Variants in CRYGN observed in about 807,000 individuals in gnomAD.
The protein encoded by CRYGN is crystallin gamma N.
A neutral mutation model predicts 19.2 loss-of-function variants in CRYGN; 17 were observed. The ratio of observed to expected loss-of-function variants is 0.89; its 90% CI spans 0.61 to 1.33. CRYGN has a LOEUF of 1.33. Ranked by LOEUF, CRYGN falls within the 40% of genes most tolerant of loss-of-function variation. The pLI is 0.00. For synonymous variants in CRYGN, 84 were observed against 85.8 expected (o/e 0.98, Z 0.12); for missense variants, 239 against 239.6 (o/e 1.00, Z 0.02).
At position 151,430,717 on chromosome 7, in the gene CRYGN, G is replaced by A. The variant is rs1168742773; in HGVS notation, c.417-537C>T. ...GGGCTTTCCCTCGGAGTCCTGAGCT[G>A]GGCGACCAGCCTAGAGGGGCTGATC... On this transcript the variant is annotated intron_variant, in intron 3 of 3. Coordinates refer to ENST00000337323, the MANE Select transcript of CRYGN (RefSeq NM_144727.3). This position sits in a 1 kb window ranked among gnomAD's most constrained non-coding sequence, Gnocchi z 5.2. 6.6e-6 allele frequency among the ~76,000 whole-genome samples: 1 copy of A among 152,196 alleles called. No individual in the cohort carries two copies. Among genetic ancestry groups the A allele is most frequent in the Admixed American group, 6.5e-5 (1 of 15,286 alleles).
rs992736093 is a variant in CRYGN at position 151,430,436 on chromosome 7, G to A, written c.417-256C>T. Among the ~76,000 whole-genome samples, 2 of 152,138 alleles carry A rather than the reference G, an allele frequency of 1.3e-5. No individual in the cohort carries two copies. The highest frequency in any genetic ancestry group is 3.9e-4 in the East Asian group (2 of 5,188). On this transcript the variant is annotated intron_variant, in intron 3 of 3. Transcript: ENST00000337323. This position sits in a 1 kb window ranked among gnomAD's most constrained non-coding sequence, Gnocchi z 5.2. ...TGGGGAATTGTCTTGGGTGAATTGG[G>A]TGACCCATCGTGACTCTTTTTCCAT...
Position 151,430,118 on chromosome 7 carries a change from T to A in CRYGN, c.479A>T (p.Asp160Val), listed in dbSNP as rs763899314. 1 of 1,605,276 alleles carries A rather than the reference T, an allele frequency of 6.2e-7. No homozygotes were observed. The highest frequency in any genetic ancestry group is 1.1e-5 in the South Asian group (1 of 90,870). ...TGTGGTGGCCTCTTCCGGTCCTTGA[T>A]CTGATTGAAGAGAGCTGCTCAGCTG... is the stretch of plus-strand genomic sequence containing the variant. ...DFQLSSSLQS[D>V]QGPEEATTKP... Residue 160 changes from aspartate to valine, a missense_variant, in exon 4 of 4, where the codon GAT (aspartate) becomes GTT (valine). Transcript: ENST00000337323. This position sits in a 1 kb window ranked among gnomAD's most constrained non-coding sequence, Gnocchi z 5.2.
At position 151,433,301 on chromosome 7, in the gene CRYGN, C is replaced by T. The variant is rs767848637; in HGVS notation, c.416+2879G>A. On this transcript the variant is annotated intron_variant, in intron 3 of 3. Coordinates refer to ENST00000337323, the MANE Select transcript of CRYGN (RefSeq NM_144727.3). This position sits in a 1 kb window ranked among gnomAD's most constrained non-coding sequence, Gnocchi z 5.1. Reference sequence around the variant, plus strand: ...GCAGGAAGGTGCGGTGGGGAGGGAACGGGGGACCAGGAGGAAGGGACTGGA... The same window carrying T: ...GCAGGAAGGTGCGGTGGGGAGGGAATGGGGGACCAGGAGGAAGGGACTGGA... 5.3e-5 allele frequency among the ~76,000 whole-genome samples: 8 copies of T among 152,158 alleles called. No homozygotes were observed. Among genetic ancestry groups the T allele is most frequent in the African/African-American group, 9.7e-5 (4 of 41,428 alleles).
rs201965705 is a variant in CRYGN, at chr7:151,438,168, C to T, written c.98G>A (p.Arg33Gln). ...VFGDCDNFQD[R>Q]GFMNRVNSIH... ...GGAGTTCACTCGGTTCATAAAGCCC[C>T]GGTCCTGGAAGTTGTCACAGTCCCC... The change falls in exon 2 of 4, where the codon CGG becomes CAG. Residue 33 changes from arginine to glutamine, a missense_variant. Transcript: ENST00000337323. The T allele has an allele frequency of 5.6e-4, 898 of 1,614,076 alleles. 2 individuals carry two copies. Among genetic ancestry groups the T allele is most frequent in the Non-Finnish European group, 7.2e-4 (848 of 1,180,052 alleles).
rs1016370286 is a variant in CRYGN at position 151,435,930 on chromosome 7, G to A, written c.416+250C>T. On this transcript the variant is annotated intron_variant, in intron 3 of 3. Transcript: ENST00000337323. This position sits in a 1 kb window ranked among gnomAD's most constrained non-coding sequence, Gnocchi z 4.2. ...CTGAGGCCCTAGAGGGAAGGTCTCA[G>A]GGTGCCTCTGGGGCCCAGAGTCCCT... Among the ~76,000 whole-genome samples, 1 of 152,180 alleles carries A rather than the reference G, an allele frequency of 6.6e-6. No individual in the cohort carries two copies.
chr7:151,432,021 A>T, intron 3 of CRYGN: 1 of 413,026 alleles, frequency 2.4e-6, no homozygotes, highest in Non-Finnish European at 4.1e-6. Context: ...CACTGCCGAG[A>T]GAGCACTCAG....
chr7:151,438,840 T>C (rs114355079), intron 1 of CRYGN: 3,106 of 153,130 alleles, frequency 0.02, 132 homozygotes, highest in African/African-American at 0.071. Context: ...GGTCACTCCT[T>C]TGGGTAGCAG....
rs1801599651 is a variant in CRYGN at position 151,436,149 on chromosome 7, C to G, written c.416+31G>C. ...CTGGTGCTGAAGGGCCTAGCCGGGC[C>G]TCGGGGTGCGGCCACGTGGCCTGTA... On this transcript the variant is annotated intron_variant, in intron 3 of 3. Transcript: ENST00000337323. The surrounding 1 kb of genome is among the most constrained non-coding windows in gnomAD (Gnocchi z 5.1). The G allele has an allele frequency of 7.2e-7, 1 of 1,396,256 alleles. No individual in the cohort carries two copies. Among genetic ancestry groups the G allele is most frequent in the Admixed American group, 2.8e-5 (1 of 36,122 alleles). 86.5% of individuals were successfully genotyped at this position (1,396,256 alleles called of 1,614,324 possible). A position where few individuals can be genotyped will look rare whatever the true frequency, so the allele number is the denominator to read the frequency against.
rs529874744 is a variant in CRYGN at position 151,430,562 on chromosome 7, A to G, written c.417-382T>C. On this transcript the variant is annotated intron_variant, in intron 3 of 3. Transcript: ENST00000337323. The surrounding 1 kb of genome is among the most constrained non-coding windows in gnomAD (Gnocchi z 5.2). ...TCAGGCCACCACACTGTGCGACAGA[A>G]TCAGCCCCTGAGATTTTGTTTTTCT... is the stretch of plus-strand genomic sequence containing the variant. 6.6e-6 allele frequency among the ~76,000 whole-genome samples: 1 copy of G among 152,202 alleles called. No individual in the cohort carries two copies. The highest frequency in any genetic ancestry group is 2.4e-5 in the African/African-American group (1 of 41,522).
In CRYGN at chr7:151,432,000, G is replaced by A. The variant is rs1157067110; in HGVS notation, c.417-1820C>T. 2 of 396,292 alleles carry A rather than the reference G, an allele frequency of 5.0e-6. No homozygotes were observed. The highest frequency in any genetic ancestry group is 8.8e-6 in the Non-Finnish European group (2 of 226,946). 24.5% of individuals were successfully genotyped at this position (396,292 alleles called of 1,614,324 possible). On this transcript the variant is annotated intron_variant, in intron 3 of 3. Transcript: ENST00000337323. This position sits in a 1 kb window ranked among gnomAD's most constrained non-coding sequence, Gnocchi z 4.8. Reference sequence around the variant, plus strand: ...CCTGGATCATCCAGCTCCTCCCAGGGCTGGGATGCCCACTGCCGAGAGAGC... The same window carrying A: ...CCTGGATCATCCAGCTCCTCCCAGGACTGGGATGCCCACTGCCGAGAGAGC...
In CRYGN at chr7:151,438,096, A is replaced by G; in HGVS notation, c.170T>C (p.Phe57Ser). ...CTCCAAGATGAACTGCTGGCCCCGGAAGTCGGGGTGATTGAAGCAGACCCA... is the reference window on the plus strand; with the variant it reads ...CTCCAAGATGAACTGCTGGCCCCGGGAGTCGGGGTGATTGAAGCAGACCCA... Reference protein sequence around the residue: ...GAWVCFNHPDFRGQQFILEHG... With the variant: ...GAWVCFNHPDSRGQQFILEHG... The change falls in exon 2 of 4, where the codon TTC becomes TCC. Residue 57 changes from phenylalanine (F) to serine (S), a missense_variant. By Grantham distance (155) the Phe-to-Ser change is radical. Transcript: ENST00000337323. The G allele has an allele frequency of 6.2e-7, 1 of 1,614,104 alleles. No individual in the cohort carries two copies. Among genetic ancestry groups the G allele is most frequent in the Non-Finnish European group, 8.5e-7 (1 of 1,180,020 alleles).
At position 151,429,962 on chromosome 7, in the gene CRYGN, A is replaced by T. The variant is rs1215966974; in HGVS notation, c.*86T>A. On this transcript the variant is annotated 3_prime_UTR_variant, in exon 4 of 4. Transcript: ENST00000337323. ...ACCTCCCTAACAAACTGGCAGAGAA[A>T]TGAAAACTGAGGGCATGATTTTAAG... 4 of 769,036 alleles carry T rather than the reference A, an allele frequency of 5.2e-6. No homozygotes were observed. In the African/African-American group the frequency reaches 6.8e-5, roughly 13 times the overall value. 47.6% of individuals were successfully genotyped at this position (769,036 alleles called of 1,614,324 possible). A position where few individuals can be genotyped will look rare whatever the true frequency, so the allele number is the denominator to read the frequency against.
rs574202666 is a variant in CRYGN at position 151,435,856 on chromosome 7, G to A, written c.416+324C>T. ...GGCGGCCCCTTGTATCAGATCAATCGCAGAGAACCGTGCAACTTTCAAGGT... is the reference window on the plus strand; with the variant it reads ...GGCGGCCCCTTGTATCAGATCAATCACAGAGAACCGTGCAACTTTCAAGGT... On this transcript the variant is annotated intron_variant, in intron 3 of 3. Coordinates refer to ENST00000337323, the MANE Select transcript of CRYGN (RefSeq NM_144727.3). The surrounding 1 kb of genome is among the most constrained non-coding windows in gnomAD (Gnocchi z 4.2). 2.6e-5 allele frequency among the ~76,000 whole-genome samples: 4 copies of A among 152,246 alleles called. No individual in the cohort carries two copies. Among genetic ancestry groups the A allele is most frequent in the South Asian group, 4.1e-4 (2 of 4,830 alleles).
upstream of CRYGN, chr7:151,440,257 T>G: frequency 1.1e-5 from 5 of 442,148 alleles, no homozygotes; most frequent in Non-Finnish European, 1.9e-5. Flanking sequence ...CCAACCTTTC[T>G]TCCCCTGCGC....
Position 151,436,201 on chromosome 7 carries a change from A to G in CRYGN, c.395T>C (p.Ile132Thr). ...RGWVKNCVNT[I>T]KVYGDGAAWS... ...TCACGCTCCGTCCCCGTACACCTTG[A>G]TGGTGTTCACACAGTTCTTGACCCA... The change falls in exon 3 of 4, where the codon ATC (isoleucine) becomes ACC (threonine). Residue 132 changes from isoleucine to threonine, a missense_variant. Physicochemically the swap from Ile to Thr is moderately conservative, Grantham distance 89. Coordinates refer to ENST00000337323, the MANE Select transcript of CRYGN (RefSeq NM_144727.3). The surrounding 1 kb of genome is among the most constrained non-coding windows in gnomAD (Gnocchi z 5.1). 1 of 1,559,398 alleles carries G rather than the reference A, an allele frequency of 6.4e-7. No individual in the cohort carries two copies. The highest frequency in any genetic ancestry group is 1.2e-5 in the South Asian group (1 of 83,990).
chr7:151,432,430 G>A (rs1801494398), intron 3 of CRYGN: 2 of 412,100 alleles, frequency 4.9e-6, no homozygotes, highest in Non-Finnish European at 8.3e-6. Context: ...CACCCACGGT[G>A]CCTTCCCCAG....
Position 151,429,932 on chromosome 7 carries a change from G to C in CRYGN, c.*116C>G, listed in dbSNP as rs927193171. Reference sequence around the variant, plus strand: ...CGCTGGCAGATATGACACACAGAAGGCTCCACCTCCCTAACAAACTGGCAG... The same window carrying C: ...CGCTGGCAGATATGACACACAGAAGCCTCCACCTCCCTAACAAACTGGCAG... On this transcript the variant is annotated 3_prime_UTR_variant, in exon 4 of 4. Coordinates refer to ENST00000337323, the MANE Select transcript of CRYGN (RefSeq NM_144727.3). 215 of 733,234 alleles carry C rather than the reference G, an allele frequency of 2.9e-4. No individual in the cohort carries two copies. In the Admixed American group the frequency reaches 3.9e-3, roughly 13 times the overall value. 45.4% of individuals were successfully genotyped at this position (733,234 alleles called of 1,614,324 possible).
In CRYGN at chr7:151,436,360, G is replaced by A; in HGVS notation, c.271-35C>T. On this transcript the variant is annotated intron_variant, in intron 2 of 3. Transcript: ENST00000337323. This position sits in a 1 kb window ranked among gnomAD's most constrained non-coding sequence, Gnocchi z 5.1. ...CAAGCAAAAAAGAAGGAAAGAAGGA[G>A]GTTGCTGTGAATTCCCCTCTCCCAG... 1.4e-6 allele frequency: 2 copies of A among 1,397,378 alleles called. No individual in the cohort carries two copies. Among genetic ancestry groups the A allele is most frequent in the Non-Finnish European group, 9.6e-7 (1 of 1,037,662 alleles). The allele number at this position is 1,397,378 out of a possible 1,614,324, so 86.6% of individuals were successfully genotyped here.
At position 151,429,841 on chromosome 7, in the gene CRYGN, G is replaced by T; in HGVS notation, c.*207C>A. 8 of 592,780 alleles carry T rather than the reference G, an allele frequency of 1.3e-5. No individual in the cohort carries two copies. The South Asian group carries it at 1.6e-4, about 12-fold the overall frequency. The allele number at this position is 592,780 out of a possible 1,614,324, so 36.7% of individuals were successfully genotyped here. A position where few individuals can be genotyped will look rare whatever the true frequency, so the allele number is the denominator to read the frequency against. ...GGGTGCCAAGGCCCAAGGAGGCTGT[G>T]GGGTGGAGGGTTGGACGGCTGTTTC... is the stretch of plus-strand genomic sequence containing the variant. On this transcript the variant is annotated 3_prime_UTR_variant, in exon 4 of 4. Transcript: ENST00000337323.
Sources: allele counts gnomAD v4.1 joint callset (sites outside exome capture counted in the v4.1 genomes callset), GRCh38; gene constraint gnomAD v4.1.1; non-coding constraint Gnocchi (gnomAD v3.1); transcripts MANE v1.5; gene names NCBI Gene and HGNC (gene_info 2026-07-23, HGNC 2026-07-21).